MCOLN2: variants seen among roughly 807,000 people sequenced by gnomAD.
The protein encoded by MCOLN2 is mucolipin TRP cation channel 2, also known as mucolipin-2.
In MCOLN2, 57 loss-of-function variants were observed where a neutral mutation model predicts 67.5. That is an observed-to-expected ratio of 0.84 (90% CI 0.68 to 1.05). The LOEUF (loss-of-function observed/expected upper bound fraction) is 1.05. MCOLN2 is among the 50% of genes least tolerant of loss of function. The pLI, the probability that MCOLN2 is intolerant of heterozygous loss-of-function variation, is 0.00. For missense variants in MCOLN2, 620 were observed against 678.8 expected (o/e 0.91, Z 0.96); for synonymous variants, 246 against 233.3 (o/e 1.05, Z -0.50).
At chr1:84,970,339 G>T (rs914617253) in intron 1 of MCOLN2, among the ~76,000 whole-genome samples, 1 of 150,046 alleles carries the variant, frequency 6.7e-6, no homozygotes, top group Non-Finnish European at 1.5e-5. Context: ...TTGTTTTCTC[G>T]AAACAGTGGT....
chr1:84,958,524 C>T lies in MCOLN2; in HGVS notation c.411+5G>A. 1.2e-5 allele frequency: 19 copies of T among 1,598,280 alleles called. No homozygotes were observed. The highest frequency in any genetic ancestry group is 3.3e-4 in the Middle Eastern group (2 of 5,986). The stretch of plus-strand genomic sequence containing the variant: ...AGTATAGGTCATTCACAACAAAACA[C>T]TTGCCTGATTAATAGCAAAAAAGAT... On this transcript the variant is annotated splice_donor_5th_base_variant and intron_variant, in intron 3 of 13. Coordinates refer to ENST00000370608, the MANE Select transcript of MCOLN2 (RefSeq NM_153259.4).
At chr1:84,938,662 G>C (rs1487827983) in intron 9 of MCOLN2, among the ~76,000 whole-genome samples, 1 of 152,226 alleles carries the variant, frequency 6.6e-6, no homozygotes, top group Non-Finnish European at 1.5e-5. Context: ...GACAGGCTGG[G>C]AGGAAGCACC....
intron 11 of MCOLN2, among the ~76,000 whole-genome samples, chr1:84,936,231 G>A (rs1430256872): frequency 6.6e-6 from 1 of 152,164 alleles, no homozygotes; most frequent in Non-Finnish European, 1.5e-5. Flanking sequence ...GAGAATGGTA[G>A]CCATCTAGTA....
intron 1 of MCOLN2, among the ~76,000 whole-genome samples, chr1:84,987,450 A>ATG (rs1268552077): frequency 5.0e-5 from 6 of 120,220 alleles, no homozygotes; most frequent in African/African-American, 2.1e-4. Flanking sequence ...ATATATACAT[A>ATG]TATACATATA....
chr1:84,965,819 G>T, intron 1 of MCOLN2, 111 bp from the exon 2 acceptor site: 324 of 806,752 alleles, frequency 4.0e-4, no homozygotes, highest in East Asian at 3.8e-4. Flanking sequence ...GTCATATACT[G>T]AAAAGCCTCT....
intron 2 of MCOLN2, among the ~76,000 whole-genome samples, chr1:84,963,706 A>G (rs1649218596): frequency 6.6e-6 from 1 of 152,264 alleles, no homozygotes; most frequent in Non-Finnish European, 1.5e-5. Context: ...ATGCTCTGCC[A>G]TACGAAGATG....
At chr1:84,953,647 C>A (rs1372561389) in intron 4 of MCOLN2, among the ~76,000 whole-genome samples, 1 of 151,688 alleles carries the variant, frequency 6.6e-6, no homozygotes, top group Non-Finnish European at 1.5e-5. Flanking sequence ...GTAAGTCTGG[C>A]ACTTTTTCAA....
At chr1:84,941,123 A>G (rs535580864) in intron 7 of MCOLN2, 132 bp from the exon 8 acceptor site, 8 of 628,706 alleles carry the variant, frequency 1.3e-5, no homozygotes, top group African/African-American at 3.7e-5. Flanking sequence ...GGTAAATATC[A>G]GAAACAAATC....
At chr1:84,934,866 T>C (rs1416598372) in intron 11 of MCOLN2, among the ~76,000 whole-genome samples, 1 of 152,214 alleles carries the variant, frequency 6.6e-6, no homozygotes, top group African/African-American at 2.4e-5. Context: ...TTTTGCATCT[T>C]GACTCCCTTT....
At chr1:84,968,853 C>T (rs12146119) in intron 1 of MCOLN2, among the ~76,000 whole-genome samples, 42,875 of 152,114 alleles carry the variant, frequency 0.28, 6,518 homozygotes, top group East Asian at 0.38. Flanking sequence ...GGGTCCTGCC[C>T]CAAACCCTGG....
In MCOLN2 at chr1:84,996,932, G is replaced by C. The variant is rs1173040956; in HGVS notation, c.-60C>G. The stretch of plus-strand genomic sequence containing the variant: ...ATTCGGAACAGGAAACACCGTTCAC[G>C]GCCGACTCATTTCGCCCTCGCCGTA... On this transcript the variant is annotated 5_prime_UTR_variant, in exon 1 of 14. Transcript: ENST00000370608. 6.8e-7 allele frequency: 1 copy of C among 1,469,844 alleles called. No individual in the cohort carries two copies. Among genetic ancestry groups the C allele is most frequent in the Non-Finnish European group, 9.5e-7 (1 of 1,052,032 alleles). 91.1% of individuals were successfully genotyped at this position (1,469,844 alleles called of 1,614,324 possible).
intron 3 of MCOLN2, among the ~76,000 whole-genome samples, chr1:84,957,702 A>C (rs551882025): frequency 6.6e-6 from 1 of 152,312 alleles, no homozygotes; most frequent in Non-Finnish European, 1.5e-5. Flanking sequence ...TAATAAGCTC[A>C]GCTTTGCTCA....
intron 9 of MCOLN2, among the ~76,000 whole-genome samples, chr1:84,939,085 T>C (rs1453595767): frequency 2.0e-5 from 3 of 151,944 alleles, no homozygotes; most frequent in African/African-American, 4.8e-5. Context: ...GACGGGAGAA[T>C]AGTGCGGTGA....
chr1:84,933,377 C>T (rs965876938), intron 11 of MCOLN2, among the ~76,000 whole-genome samples: 1 of 152,170 alleles, frequency 6.6e-6, no homozygotes, highest in African/African-American at 2.4e-5. Flanking sequence ...AAACGCACCC[C>T]AAACAAGGAT....
intron 2 of MCOLN2, among the ~76,000 whole-genome samples, 167 bp from the exon 3 acceptor site, chr1:84,958,869 A>C (rs2102847814): frequency 6.6e-6 from 1 of 152,342 alleles, no homozygotes; most frequent in Non-Finnish European, 1.5e-5. Flanking sequence ...CCACAGAAGA[A>C]TAACCTCATC....
intron 4 of MCOLN2, among the ~76,000 whole-genome samples, chr1:84,953,519 C>T (rs1416463613): frequency 2.0e-5 from 3 of 147,902 alleles, no homozygotes; most frequent in Non-Finnish European, 3.0e-5. Context: ...CACTGCACTC[C>T]AGCCTGGGCG....
intron 1 of MCOLN2, among the ~76,000 whole-genome samples, chr1:84,970,404 T>A (rs1450984206): frequency 6.6e-6 from 1 of 151,602 alleles, no homozygotes; most frequent in Non-Finnish European, 1.5e-5. Flanking sequence ...GCATGGTGGC[T>A]CATGCCTGTA....
intron 1 of MCOLN2, chr1:84,972,095 G>A (rs780909780): frequency 3.3e-4 from 50 of 152,038 alleles, no homozygotes; most frequent in Admixed American, 2.0e-4. Context: ...GTCAGCAGAC[G>A]GCAGAAATAC....
At chr1:84,959,644 A>G (rs1279834268) in intron 2 of MCOLN2, among the ~76,000 whole-genome samples, 3 of 152,140 alleles carry the variant, frequency 2.0e-5, no homozygotes, top group East Asian at 1.9e-4. Context: ...TCAAATCTCT[A>G]TAAGCCCTGT....
Sources: gnomAD v4.1 joint callset for allele counts (sites outside exome capture counted in the v4.1 genomes callset) on GRCh38, gnomAD v4.1.1 for gene constraint, MANE v1.5 for transcripts, NCBI Gene and HGNC (gene_info 2026-07-23, HGNC 2026-07-21) for gene names.